The following DEPDC5 variants were observed in gnomAD, a reference collection of about 807,000 sequenced individuals.
DEPDC5 encodes the protein DEP domain containing 5, GATOR1 subcomplex subunit.
In DEPDC5, 73 loss-of-function variants were observed where a neutral mutation model predicts 217.3. That is an observed-to-expected ratio of 0.34 (90% confidence interval 0.28 to 0.41). DEPDC5 has a LOEUF of 0.41. DEPDC5 is among the 10% of genes least tolerant of loss of function. The probability of loss-of-function intolerance (pLI) is 1.00; values close to 1 mark genes in which losing one functional copy is unlikely to be tolerated. For missense variants in DEPDC5, 1,675 were observed against 2,070.1 expected, an observed-to-expected ratio of 0.81 and a Z score of 3.70; for synonymous variants, 733 against 756.7, an observed-to-expected ratio of 0.97 and a Z score of 0.51.
At chr22:31,776,572 C>CT (rs34058587) in intron 7 of DEPDC5, among the ~76,000 whole-genome samples, 66,114 of 104,052 alleles carry the variant, frequency 0.64, 23,053 homozygotes, top group South Asian at 0.74. Context: ...GTACTATTCA[C>CT]TTTTTTTTTT....
chr22:31,807,944 G>A (rs997570110), intron 18 of DEPDC5, among the ~76,000 whole-genome samples: 2 of 152,034 alleles, frequency 1.3e-5, no homozygotes. Context: ...TCTAATAAGG[G>A]AAATACTAAT....
intron 31 of DEPDC5, among the ~76,000 whole-genome samples, chr22:31,856,253 A>T (rs1243447189): frequency 6.6e-6 from 1 of 151,354 alleles, no homozygotes; most frequent in Non-Finnish European, 1.5e-5. Context: ...ACACACACAC[A>T]CTTCATTGCC....
chr22:31,896,440 G>A (rs2093554091), intron 39 of DEPDC5, among the ~76,000 whole-genome samples: 1 of 151,946 alleles, frequency 6.6e-6, no homozygotes, highest in Admixed American at 6.6e-5. Context: ...ATTTGTTTAA[G>A]TCAAGCTGTG....
intron 31 of DEPDC5, among the ~76,000 whole-genome samples, chr22:31,849,548 A>G (rs1249356804): frequency 6.6e-6 from 1 of 152,146 alleles, no homozygotes; most frequent in Non-Finnish European, 1.5e-5. Flanking sequence ...TGGGAGGCCT[A>G]GGTGGGTGAA....
chr22:31,861,511 A>G (rs1218425852), intron 33 of DEPDC5, 78 bp downstream of exon 33: 11 of 1,459,638 alleles, frequency 7.5e-6, no homozygotes, highest in Non-Finnish European at 1.0e-5. Flanking sequence ...GGCTCTGAAC[A>G]CATGGAATTG....
rs554017928 is a variant in DEPDC5 at position 31,880,098 on chromosome 22, G to A, written c.4033+346G>A. 1.2e-4 allele frequency: 34 copies of A among 287,250 alleles called. No individual in the cohort carries two copies. The South Asian group carries it at 1.2e-3, about 10-fold the overall frequency. 17.8% of individuals were successfully genotyped at this position (287,250 alleles called of 1,614,324 possible). A position where few individuals can be genotyped will look rare whatever the true frequency, so the allele number is the denominator to read the frequency against. ...CTCATTGCACCAGCTAGTTCCTGCC[G>A]GAGCCCCTCCCTACAACCATAGCAT... On this transcript the variant is annotated intron_variant, in intron 38 of 42. Coordinates refer to ENST00000651528, the MANE Select transcript of DEPDC5 (RefSeq NM_001242896.3).
Position 31,804,855 on chromosome 22 carries a change from G to A in DEPDC5, c.1157G>A (p.Ser386Asn), listed in dbSNP as rs1266886686. The A allele has an allele frequency of 4.3e-6, 7 of 1,613,932 alleles. 1 individual carries two copies. The South Asian group carries it at 6.6e-5, about 15-fold the overall frequency. The stretch of plus-strand genomic sequence containing the variant: ...TTCTCCTTGCAGCTCCATAATCGGA[G>A]TGCTCCCCGTGATTCTCGTCTGGGC... ...AVPLFKLHNR[S>N]APRDSRLGDD... The change falls in exon 17 of 43, where the codon AGT (serine) becomes AAT (asparagine). Residue 386 changes from serine to asparagine, a missense_variant. By Grantham distance (46) the Ser-to-Asn change is conservative (BLOSUM62 1). Transcript: ENST00000651528.
chr22:31,834,185 T>TCA (rs941479535), intron 25 of DEPDC5: 24 of 610,728 alleles, frequency 3.9e-5, no homozygotes, highest in African/African-American at 3.6e-4. Flanking sequence ...TGACCTGTTT[T>TCA]GGAAGGTGAT....
At chr22:31,760,627 C>G (rs1432925342) in intron 3 of DEPDC5, 29 bp from the exon 4 acceptor site, 35 of 1,606,712 alleles carry the variant, frequency 2.2e-5, no homozygotes, top group Non-Finnish European at 2.6e-5. Flanking sequence ...TTCACGGTAT[C>G]CCAACTCTCT....
At chr22:31,866,708 T>G (rs1485884649) in intron 33 of DEPDC5, among the ~76,000 whole-genome samples, 2 of 152,204 alleles carry the variant, frequency 1.3e-5, no homozygotes. Context: ...TAAAATGACC[T>G]TCACAGCCTT....
At chr22:31,780,006 A>G (rs1432175104) in intron 8 of DEPDC5, among the ~76,000 whole-genome samples, 5 of 152,198 alleles carry the variant, frequency 3.3e-5, no homozygotes, top group Non-Finnish European at 1.5e-5. Flanking sequence ...GAGGCTGGGA[A>G]GTTTTGTCTT....
chr22:31,799,761 A>C lies in DEPDC5; in HGVS notation c.946+1105A>C, dbSNP rs1329116295. The stretch of plus-strand genomic sequence containing the variant: ...GTGATCCACCTACCTTGGCCTCCCA[A>C]AGTGTTGGGATTACAGGCATGAGCC... On this transcript the variant is annotated intron_variant, in intron 14 of 42. Coordinates refer to ENST00000651528, the MANE Select transcript of DEPDC5 (RefSeq NM_001242896.3). 4.1e-5 allele frequency among the ~76,000 whole-genome samples: 6 copies of C among 147,962 alleles called. No individual in the cohort carries two copies. The East Asian group carries it at 1.2e-3, about 29-fold the overall frequency.
chr22:31,830,179 T>C (rs1320303732), intron 24 of DEPDC5, among the ~76,000 whole-genome samples: 3 of 152,246 alleles, frequency 2.0e-5, no homozygotes, highest in Non-Finnish European at 4.4e-5. Context: ...CTTCTAGATA[T>C]GGGCTTGGAA....
chr22:31,835,662 T>C (rs2090939159), intron 25 of DEPDC5, among the ~76,000 whole-genome samples: 1 of 152,166 alleles, frequency 6.6e-6, no homozygotes, highest in South Asian at 2.1e-4. Context: ...TCATCTTCTG[T>C]TTTAGCCAGG....
intron 38 of DEPDC5, among the ~76,000 whole-genome samples, chr22:31,882,930 TC>T (rs1262159579): frequency 2.0e-5 from 3 of 152,128 alleles, no homozygotes; most frequent in Admixed American, 2.0e-4. Context: ...GGCCTGTTCT[TC>T]CTTTTCTTGA....
chr22:31,799,513 C>T lies in DEPDC5; in HGVS notation c.946+857C>T, dbSNP rs577753687. Reference sequence around the variant, plus strand: ...TTTTTTTTTTTCTGGGATGGAGTGTCGCTTTGTCATCCAGGCTGGAATGTA... The same window carrying T: ...TTTTTTTTTTTCTGGGATGGAGTGTTGCTTTGTCATCCAGGCTGGAATGTA... On this transcript the variant is annotated intron_variant, in intron 14 of 42. Coordinates refer to ENST00000651528, the MANE Select transcript of DEPDC5 (RefSeq NM_001242896.3). 1.2e-3 allele frequency among the ~76,000 whole-genome samples: 171 copies of T among 141,072 alleles called. 1 individual carries two copies. Among genetic ancestry groups the T allele is most frequent in the Non-Finnish European group, 1.5e-3 (100 of 65,854 alleles). The allele number at this position is 141,072 out of a possible 152,430, so 92.5% of individuals were successfully genotyped here. A position where few individuals can be genotyped will look rare whatever the true frequency, so the allele number is the denominator to read the frequency against.
intron 37 of DEPDC5, among the ~76,000 whole-genome samples, chr22:31,877,135 C>T (rs934156520): frequency 2.0e-5 from 3 of 151,268 alleles, no homozygotes; most frequent in Non-Finnish European, 2.9e-5. Context: ...AGTGAAACTC[C>T]GTCTCAAAAA....
intron 23 of DEPDC5, 60 bp downstream of exon 23, chr22:31,821,697 A>G: frequency 6.3e-7 from 1 of 1,589,714 alleles, no homozygotes. Flanking sequence ...CACCCAGGAC[A>G]ATGTGCAGAA....
chr22:31,755,715 T>G (rs373148215), intron 2 of DEPDC5, among the ~76,000 whole-genome samples: 1 of 152,220 alleles, frequency 6.6e-6, no homozygotes, highest in Non-Finnish European at 1.5e-5. Flanking sequence ...CAGCTCTCCT[T>G]AGTGCCTTGA....
Sources: allele counts gnomAD v4.1 joint callset (sites outside exome capture counted in the v4.1 genomes callset), GRCh38; gene constraint gnomAD v4.1.1; transcripts MANE v1.5; gene names NCBI Gene and HGNC (gene_info 2026-07-23, HGNC 2026-07-21).